The following MAST4 variants were observed in gnomAD, a reference collection of about 807,000 sequenced individuals.
The protein encoded by MAST4 is microtubule associated serine/threonine kinase family member 4.
In MAST4, 89 loss-of-function variants were observed where a neutral mutation model predicts 162.7. That is an observed-to-expected ratio of 0.55 (90% CI 0.46 to 0.65). The LOEUF (loss-of-function observed/expected upper bound fraction) is 0.65. MAST4 is among the 30% of genes least tolerant of loss of function. The probability of loss-of-function intolerance (pLI) is 0.00; values close to 1 mark genes in which losing one functional copy is unlikely to be tolerated. For synonymous variants in MAST4, 1,479 were observed against 1,361.1 expected (o/e 1.09, Z -1.91); for missense variants, 3,153 against 3,374.0 (o/e 0.93, Z 1.62).
intron 2 of MAST4, among the ~76,000 whole-genome samples, chr5:66,786,113 C>T (rs1472335801): frequency 6.6e-6 from 1 of 152,208 alleles, no homozygotes; most frequent in Non-Finnish European, 1.5e-5. Context: ...GAGGGATCCG[C>T]TCACCTCGGC....
At chr5:67,035,573 A>G (rs1755912526) in intron 4 of MAST4, among the ~76,000 whole-genome samples, 1 of 152,108 alleles carries the variant, frequency 6.6e-6, no homozygotes, top group African/African-American at 2.4e-5. Context: ...CATCAGAGTT[A>G]CTTATTGTCC....
At chr5:66,599,488 C>T (rs1742418141) in intron 1 of MAST4, among the ~76,000 whole-genome samples, 1 of 152,158 alleles carries the variant, frequency 6.6e-6, no homozygotes, top group African/African-American at 2.4e-5. Flanking sequence ...GGAATAATAG[C>T]ATTAGAGTTA....
chr5:66,733,649 G>A (rs1751994838), intron 1 of MAST4, among the ~76,000 whole-genome samples: 1 of 152,114 alleles, frequency 6.6e-6, no homozygotes, highest in Admixed American at 6.5e-5. Context: ...AGTAGAGATG[G>A]GGTTTCACTA....
Position 66,741,653 on chromosome 5 carries a change from G to A in MAST4, c.364-18056G>A, listed in dbSNP as rs151043527. 4.2e-3 allele frequency among the ~76,000 whole-genome samples: 632 copies of A among 152,150 alleles called. 5 individuals carry two copies. The highest frequency in any genetic ancestry group is 6.3e-3 in the Admixed American group (97 of 15,282). ...ATAGTGGTTTGAGCTTTGTGGGAAC[G>A]GGACCTCTCAACAGTGGACTCTAAA... On this transcript the variant is annotated intron_variant, in intron 1 of 28. Transcript: ENST00000403625.
intron 4 of MAST4, among the ~76,000 whole-genome samples, chr5:67,033,315 C>CTCTCTGTG (rs1554084489): frequency 4.0e-5 from 5 of 125,990 alleles, no homozygotes; most frequent in African/African-American, 1.5e-4. Context: ...TTTCATTTCT[C>CTCTCTGTG]TGTGTGTGTG....
chr5:67,078,846 ATT>A (rs570147123), intron 5 of MAST4, among the ~76,000 whole-genome samples: 1 of 114,510 alleles, frequency 8.7e-6, no homozygotes, highest in Non-Finnish European at 1.7e-5. Flanking sequence ...ATTTAAATAT[ATT>A]TATATATTTA....
intron 2 of MAST4, among the ~76,000 whole-genome samples, chr5:66,765,477 C>A (rs1754052166): frequency 6.6e-6 from 1 of 151,962 alleles, no homozygotes; most frequent in Non-Finnish European, 1.5e-5. Flanking sequence ...ACATTTGTAT[C>A]ACTTTTATCG....
intron 5 of MAST4, among the ~76,000 whole-genome samples, chr5:67,067,140 T>C (rs985621224): frequency 6.6e-5 from 10 of 152,208 alleles, no homozygotes; most frequent in Admixed American, 2.0e-4. Flanking sequence ...TGTAGAAACC[T>C]CCTTCTACTA....
chr5:66,640,559 C>T (rs1056011398), intron 1 of MAST4, among the ~76,000 whole-genome samples: 2 of 152,172 alleles, frequency 1.3e-5, no homozygotes, highest in South Asian at 2.1e-4. Flanking sequence ...CCGCCTGCCT[C>T]GGCCCCCAAA....
At chr5:66,937,900 A>G (rs1200598850) in intron 4 of MAST4, among the ~76,000 whole-genome samples, 1 of 151,660 alleles carries the variant, frequency 6.6e-6, no homozygotes, top group Non-Finnish European at 1.5e-5. Flanking sequence ...ATATTTTTTT[A>G]TGATTATACC....
At chr5:67,102,821 G>A (rs1765176797) in intron 9 of MAST4, among the ~76,000 whole-genome samples, 1 of 152,332 alleles carries the variant, frequency 6.6e-6, no homozygotes, top group South Asian at 2.1e-4. Context: ...TACGTGTGCT[G>A]AGCTGGCTCT....
chr5:66,993,861 T>G (rs1353593905), intron 4 of MAST4, among the ~76,000 whole-genome samples: 1 of 150,928 alleles, frequency 6.6e-6, no homozygotes, highest in African/African-American at 2.4e-5. Flanking sequence ...GACATTTTAG[T>G]AGAATGCAGA....
At chr5:66,925,647 T>C (rs1354510393) in intron 4 of MAST4, among the ~76,000 whole-genome samples, 1 of 152,158 alleles carries the variant, frequency 6.6e-6, no homozygotes, top group Non-Finnish European at 1.5e-5. Context: ...AATGTAACTT[T>C]GTATATGCTG....
intron 1 of MAST4, among the ~76,000 whole-genome samples, chr5:66,685,146 C>T (rs946210751): frequency 6.6e-6 from 1 of 151,966 alleles, no homozygotes; most frequent in Non-Finnish European, 1.5e-5. Context: ...CTTGTAGTCC[C>T]AACTACTTGG....
intron 4 of MAST4, among the ~76,000 whole-genome samples, chr5:67,031,393 A>G (rs550246562): frequency 1.1e-4 from 17 of 152,236 alleles, no homozygotes; most frequent in African/African-American, 4.1e-4. Context: ...GAGGGCTTGG[A>G]TCATTCATGC....
intron 1 of MAST4, among the ~76,000 whole-genome samples, chr5:66,734,630 A>T (rs922393316): frequency 1.3e-5 from 2 of 152,198 alleles, no homozygotes; most frequent in African/African-American, 4.8e-5. Context: ...GCTTTCTGAG[A>T]TGATAGACAT....
chr5:66,842,722 T>C (rs1222628144), intron 3 of MAST4, among the ~76,000 whole-genome samples: 2 of 152,090 alleles, frequency 1.3e-5, no homozygotes, highest in African/African-American at 4.8e-5. Context: ...GAGATGAGAG[T>C]CTATACATTT....
chr5:66,679,478 GC>G (rs1213254876), intron 1 of MAST4, among the ~76,000 whole-genome samples: 2 of 152,132 alleles, frequency 1.3e-5, no homozygotes, highest in Non-Finnish European at 2.9e-5. Flanking sequence ...AGAGTACTTT[GC>G]CCTCTCTCAT....
chr5:66,607,495 G>T (rs564323385), intron 1 of MAST4, among the ~76,000 whole-genome samples: 5 of 152,188 alleles, frequency 3.3e-5, no homozygotes, highest in African/African-American at 1.2e-4. Context: ...AGCAGTTAAG[G>T]CATTTTTGGC....
Sources: gnomAD v4.1 joint callset for allele counts (sites outside exome capture counted in the v4.1 genomes callset) on GRCh38, gnomAD v4.1.1 for gene constraint, MANE v1.5 for transcripts, NCBI Gene and HGNC (gene_info 2026-07-23, HGNC 2026-07-21) for gene names.